Variants in NAV2 observed in about 807,000 individuals in gnomAD.
The protein encoded by NAV2 is neuron navigator 2.
A neutral mutation model predicts 223.2 loss-of-function variants in NAV2; 54 were observed. That is an observed-to-expected ratio of 0.24 (90% CI 0.19 to 0.30). The LOEUF is 0.30. Ranked by LOEUF, NAV2 falls within the 10% of genes least tolerant of loss-of-function variation. The pLI is 1.00. For synonymous variants in NAV2, 1,279 were observed against 1,239.3 expected, an observed-to-expected ratio of 1.03 and a Z score of -0.67; for missense variants, 2,806 against 3,147.5, an observed-to-expected ratio of 0.89 and a Z score of 2.60.
At chr11:19,705,738 T>G (rs1400494147) in intron 1 of NAV2, among the ~76,000 whole-genome samples, 1 of 152,188 alleles carries the variant, frequency 6.6e-6, no homozygotes, top group Non-Finnish European at 1.5e-5. Flanking sequence ...CTCCAAGTAT[T>G]TGGTAGCATA....
intron 1 of NAV2, among the ~76,000 whole-genome samples, chr11:19,508,384 G>T (rs1378835565): frequency 6.6e-6 from 1 of 152,114 alleles, no homozygotes; most frequent in African/African-American, 2.4e-5. Flanking sequence ...AAACAAATAA[G>T]CATACAAGCA....
intron 1 of NAV2, among the ~76,000 whole-genome samples, chr11:19,817,488 G>C (rs1945801362): frequency 6.6e-6 from 1 of 152,194 alleles, no homozygotes; most frequent in African/African-American, 2.4e-5. Flanking sequence ...TCTGGGAATG[G>C]GGGAACACCT....
At chr11:19,799,433 C>A (rs2058102412) in intron 1 of NAV2, among the ~76,000 whole-genome samples, 1 of 152,200 alleles carries the variant, frequency 6.6e-6, no homozygotes, top group Non-Finnish European at 1.5e-5. Context: ...GTAGACAGAA[C>A]TACCCAGTGG....
chr11:19,694,955 C>G (rs1287141746), intron 1 of NAV2, among the ~76,000 whole-genome samples: 2 of 152,186 alleles, frequency 1.3e-5, no homozygotes, highest in Non-Finnish European at 2.9e-5. Flanking sequence ...TTGGCAGAGG[C>G]GGGTGTGACC....
chr11:19,995,575 G>A (rs2051793492), intron 11 of NAV2, among the ~76,000 whole-genome samples: 1 of 152,180 alleles, frequency 6.6e-6, no homozygotes, highest in Non-Finnish European at 1.5e-5. Context: ...CTGATGGCAG[G>A]TAAAGAAGAA....
At chr11:19,464,204 G>T (rs921242302) in intron 1 of NAV2, among the ~76,000 whole-genome samples, 1 of 152,128 alleles carries the variant, frequency 6.6e-6, no homozygotes, top group Non-Finnish European at 1.5e-5. Context: ...ACTCTAGTGG[G>T]ACTGTTTGTT....
intron 3 of NAV2, among the ~76,000 whole-genome samples, chr11:19,868,238 C>CA (rs1366246378): frequency 6.6e-6 from 1 of 152,002 alleles, no homozygotes; most frequent in East Asian, 1.9e-4. Context: ...TCCTTTAAAC[C>CA]AAAAAACAAT....
intron 5 of NAV2, among the ~76,000 whole-genome samples, chr11:19,881,151 G>A (rs1274077111): frequency 6.6e-6 from 1 of 152,222 alleles, no homozygotes; most frequent in African/African-American, 2.4e-5. Flanking sequence ...CTTTTAGACA[G>A]TTACAGCCTT....
chr11:19,460,648 G>A (rs1488340020), intron 1 of NAV2, among the ~76,000 whole-genome samples: 27 of 121,542 alleles, frequency 2.2e-4, no homozygotes, highest in Admixed American at 2.9e-4. Context: ...GGGGCCTGTC[G>A]TGGGGTGGGG....
chr11:19,938,042 A>G (rs1433222892), intron 7 of NAV2, among the ~76,000 whole-genome samples: 2 of 152,248 alleles, frequency 1.3e-5, no homozygotes, highest in Non-Finnish European at 2.9e-5. Flanking sequence ...GAGAGGTTGT[A>G]GTTACTGCAA....
intron 5 of NAV2, among the ~76,000 whole-genome samples, chr11:19,880,426 A>G (rs1167535072): frequency 6.6e-6 from 1 of 152,194 alleles, no homozygotes; most frequent in Non-Finnish European, 1.5e-5. Context: ...AGCCCCTAAA[A>G]TAGACTTCAA....
intron 31 of NAV2, among the ~76,000 whole-genome samples, chr11:20,100,339 T>C (rs1197418132): frequency 3.9e-5 from 6 of 152,196 alleles, no homozygotes; most frequent in Admixed American, 3.9e-4. Context: ...TCTGCCAGTA[T>C]TCACATTCCG....
At chr11:19,431,351 A>G (rs546086355) in intron 1 of NAV2, among the ~76,000 whole-genome samples, 1 of 152,272 alleles carries the variant, frequency 6.6e-6, no homozygotes, top group Non-Finnish European at 1.5e-5. Flanking sequence ...AGGGCACTGC[A>G]GTGTACCCAT....
intron 1 of NAV2, among the ~76,000 whole-genome samples, chr11:19,774,332 C>G (rs561459894): frequency 6.6e-6 from 1 of 152,312 alleles, no homozygotes; most frequent in African/African-American, 2.4e-5. Context: ...TGCACAATCA[C>G]ACCTGGCTAA....
intron 1 of NAV2, among the ~76,000 whole-genome samples, chr11:19,370,084 C>T (rs1451785802): frequency 6.6e-6 from 1 of 152,214 alleles, no homozygotes; most frequent in Admixed American, 6.5e-5. Context: ...CATAACCCTC[C>T]ATAATTTCAT....
intron 11 of NAV2, among the ~76,000 whole-genome samples, chr11:20,025,134 T>C (rs1354930768): frequency 6.6e-6 from 1 of 152,198 alleles, no homozygotes; most frequent in Non-Finnish European, 1.5e-5. Context: ...CCCTGGCACC[T>C]TGGGCAGGTC....
At chr11:19,985,764 C>T (rs1003391943) in intron 11 of NAV2, among the ~76,000 whole-genome samples, 8 of 151,960 alleles carry the variant, frequency 5.3e-5, no homozygotes, top group East Asian at 3.9e-4. Flanking sequence ...TTAGTAGAGA[C>T]GGGGTTTCAC....
intron 32 of NAV2, among the ~76,000 whole-genome samples, chr11:20,102,016 A>C (rs1279188366): frequency 6.6e-6 from 1 of 152,094 alleles, no homozygotes; most frequent in Non-Finnish European, 1.5e-5. Flanking sequence ...CTATTTCACT[A>C]GGTTGTTTGA....
At chr11:19,577,915 C>A (rs1186291282) in intron 1 of NAV2, among the ~76,000 whole-genome samples, 1 of 152,194 alleles carries the variant, frequency 6.6e-6, no homozygotes, top group Admixed American at 6.5e-5. Context: ...AGACAATCAG[C>A]GACAGGCGCC....
Sources: gnomAD v4.1 joint callset for allele counts (sites outside exome capture counted in the v4.1 genomes callset) on GRCh38, gnomAD v4.1.1 for gene constraint, MANE v1.5 for transcripts, NCBI Gene and HGNC (gene_info 2026-07-23, HGNC 2026-07-21) for gene names.